Variants in ZC3H12B observed in about 807,000 individuals in gnomAD.
The protein encoded by ZC3H12B is probable ribonuclease ZC3H12B.
Under a neutral mutation model 43.9 loss-of-function variants are expected in ZC3H12B, and 7 were observed. That is an observed-to-expected ratio of 0.16 (90% CI 0.09 to 0.30). The LOEUF (loss-of-function observed/expected upper bound fraction) is 0.30. ZC3H12B is among the 10% of genes least tolerant of loss of function. The probability of loss-of-function intolerance (pLI) is 1.00; values close to 1 mark genes in which losing one functional copy is unlikely to be tolerated. For missense variants in ZC3H12B, 475 were observed against 670.2 expected (o/e 0.71, Z 3.22); for synonymous variants, 222 against 241.7 (o/e 0.92, Z 0.76).
the ZC3H12B span, among the ~76,000 whole-genome samples, chrX:65,191,495 C>A: frequency 9.8e-6 from 1 of 102,142 alleles, no homozygotes; most frequent in African/African-American, 4.2e-5. Flanking sequence ...TTGGTCTATT[C>A]AGAGATTCAA....
At chrX:65,416,880 T>G (rs777544788) in intron 3 of ZC3H12B, among the ~76,000 whole-genome samples, 51 of 111,780 alleles carry the variant, frequency 4.6e-4, no homozygotes, top group Non-Finnish European at 8.3e-4. Context: ...TAACAAGACC[T>G]TCAGTAGATT....
chrX:65,212,629 TA>T, the ZC3H12B span, among the ~76,000 whole-genome samples: 1 of 86,165 alleles, frequency 1.2e-5, no homozygotes, highest in African/African-American at 4.4e-5. Flanking sequence ...ATAATATATA[TA>T]AATATATATG....
At chrX:65,181,119 C>G in the ZC3H12B span, among the ~76,000 whole-genome samples, 2 of 111,451 alleles carry the variant, frequency 1.8e-5, no homozygotes, top group Non-Finnish European at 3.8e-5. Flanking sequence ...ATGATTTGGT[C>G]TTCGAAAAAC....
the ZC3H12B span, among the ~76,000 whole-genome samples, chrX:65,064,873 A>G: frequency 1.8e-5 from 2 of 111,558 alleles, no homozygotes; most frequent in African/African-American, 6.5e-5. Context: ...TTCTTCTTGT[A>G]TTGATCCCTT....
At chrX:65,433,991 A>G (rs1316401816) in intron 3 of ZC3H12B, among the ~76,000 whole-genome samples, 1 of 111,847 alleles carries the variant, frequency 8.9e-6, no homozygotes, top group Non-Finnish European at 1.9e-5. Context: ...TTTCACTTCC[A>G]GTAATACCAT....
At chrX:65,283,391 G>A in the ZC3H12B span, among the ~76,000 whole-genome samples, 63 of 111,877 alleles carry the variant, frequency 5.6e-4, no homozygotes, top group African/African-American at 2.0e-3. Context: ...AAAACTGGAA[G>A]CATTCTCTTT....
chrX:65,152,182 T>A, the ZC3H12B span, among the ~76,000 whole-genome samples: 1 of 111,707 alleles, frequency 9.0e-6, no homozygotes, highest in Non-Finnish European at 1.9e-5. Context: ...AAGACAGGGA[T>A]GCCCTCTCTC....
chrX:65,257,119 T>G, the ZC3H12B span, among the ~76,000 whole-genome samples: 1 of 112,061 alleles, frequency 8.9e-6, no homozygotes, highest in African/African-American at 3.3e-5. Flanking sequence ...ACCCAAAGGA[T>G]TATAAACCAT....
chrX:65,279,891 C>T, the ZC3H12B span, among the ~76,000 whole-genome samples: 1 of 111,708 alleles, frequency 9.0e-6, no homozygotes, highest in African/African-American at 3.2e-5. Context: ...AACAAACAAC[C>T]CCAATAAAAA....
chrX:65,448,647 T>C (rs1471054583), intron 3 of ZC3H12B, among the ~76,000 whole-genome samples: 2 of 110,065 alleles, frequency 1.8e-5, no homozygotes, highest in Non-Finnish European at 3.8e-5. Context: ...TGAAACCCCA[T>C]CTCTACTAAA....
At chrX:65,504,668 A>G (rs952495244) in exon 5 of ZC3H12B, 2 of 112,760 alleles carry the variant, frequency 1.8e-5, no homozygotes, top group African/African-American at 3.2e-5. Flanking sequence ...GGTGAATAAA[A>G]AAGCTTCACT....
chrX:65,344,413 G>T, the ZC3H12B span, among the ~76,000 whole-genome samples: 1 of 111,442 alleles, frequency 9.0e-6, no homozygotes, highest in Non-Finnish European at 1.9e-5. Context: ...CAGAAATAAG[G>T]CTGCACACCT....
At chrX:65,376,147 G>A (rs780681949) in intron 2 of ZC3H12B, among the ~76,000 whole-genome samples, 1 of 112,397 alleles carries the variant, frequency 8.9e-6, no homozygotes, top group Non-Finnish European at 1.9e-5. Context: ...ATCAGTGGTA[G>A]CTTGAAAATA....
chrX:65,408,336 T>C, intron 3 of ZC3H12B: 1 of 1,202,593 alleles, frequency 8.3e-7, no homozygotes, highest in Non-Finnish European at 1.1e-6. Flanking sequence ...GCCAAGAGAT[T>C]GAATACGATT....
At chrX:65,322,491 A>C in the ZC3H12B span, among the ~76,000 whole-genome samples, 1 of 112,277 alleles carries the variant, frequency 8.9e-6, no homozygotes, top group East Asian at 2.8e-4. Context: ...ACATTTATTG[A>C]GGGGACTGCT....
chrX:65,198,664 T>A, the ZC3H12B span, among the ~76,000 whole-genome samples: 1 of 111,821 alleles, frequency 8.9e-6, no homozygotes, highest in East Asian at 2.8e-4. Context: ...GAAAATCAAA[T>A]GTCTTGAGGT....
At chrX:65,440,448 T>G (rs964924243) in intron 3 of ZC3H12B, among the ~76,000 whole-genome samples, 4 of 112,463 alleles carry the variant, frequency 3.6e-5, no homozygotes, top group African/African-American at 1.3e-4. Flanking sequence ...ATACCTCAAT[T>G]ACAGCTACAA....
At chrX:65,486,707 T>C (rs1054329563), upstream of ZC3H12B, among the ~76,000 whole-genome samples, 22 of 112,574 alleles carry the variant, frequency 2.0e-4, no homozygotes, top group Non-Finnish European at 3.0e-4. Flanking sequence ...ATGTTTGTGA[T>C]ATTTTCCCTG....
chrX:65,233,559 T>C, the ZC3H12B span, among the ~76,000 whole-genome samples: 1 of 105,246 alleles, frequency 9.5e-6, no homozygotes, highest in Admixed American at 1.0e-4. Context: ...CAATGAAAAT[T>C]AAAACAAAAC....
Sources: allele counts gnomAD v4.1 joint callset (sites outside exome capture counted in the v4.1 genomes callset), GRCh38; gene constraint gnomAD v4.1.1; transcripts MANE v1.5; gene names NCBI Gene and HGNC (gene_info 2026-07-23, HGNC 2026-07-21).